TDRD5: variants seen among roughly 807,000 people sequenced by gnomAD.
TDRD5 encodes the protein tudor domain-containing protein 5.
Under a neutral mutation model 120.6 loss-of-function variants are expected in TDRD5, and 41 were observed. The ratio of observed to expected loss-of-function variants is 0.34; its 90% confidence interval spans 0.26 to 0.44. TDRD5 has a LOEUF of 0.44. TDRD5 is among the 20% of genes least tolerant of loss of function. The probability of loss-of-function intolerance (pLI) is 1.00; values close to 1 mark genes in which losing one functional copy is unlikely to be tolerated. For missense variants in TDRD5, 1,006 were observed against 1,221.2 expected, an observed-to-expected ratio of 0.82 and a Z score of 2.63; for synonymous variants, 430 against 433.7, an observed-to-expected ratio of 0.99 and a Z score of 0.11.
At chr1:179,632,063 C>T (rs567715994) in intron 7 of TDRD5, among the ~76,000 whole-genome samples, 12 of 151,858 alleles carry the variant, frequency 7.9e-5, no homozygotes, top group African/African-American at 2.7e-4. Flanking sequence ...CCTGCCACCA[C>T]GCCCAGCTAA....
chr1:179,597,332 C>CT (rs945509784), intron 4 of TDRD5, among the ~76,000 whole-genome samples: 35,435 of 125,640 alleles, frequency 0.28, 5,593 homozygotes, highest in Admixed American at 0.36. Context: ...TTCTTTTTTT[C>CT]TTTTTTTTTT....
chr1:179,645,847 T>C (rs1558402928), intron 11 of TDRD5, among the ~76,000 whole-genome samples: 1 of 151,528 alleles, frequency 6.6e-6, no homozygotes, highest in Non-Finnish European at 1.5e-5. Flanking sequence ...TTATTTCTAC[T>C]AATGCAAAAA....
chr1:179,597,416 C>T (rs1196855009), intron 4 of TDRD5, among the ~76,000 whole-genome samples: 1 of 146,272 alleles, frequency 6.8e-6, no homozygotes, highest in Non-Finnish European at 1.5e-5. Context: ...ACTGCAACTT[C>T]CGTCTCCCGG....
At chr1:179,624,859 G>T (rs776294786) in intron 6 of TDRD5, among the ~76,000 whole-genome samples, 1 of 152,008 alleles carries the variant, frequency 6.6e-6, no homozygotes, top group African/African-American at 2.4e-5. Flanking sequence ...ATTCTTGCGG[G>T]CTATTCGTAG....
chr1:179,623,302 A>G (rs1676936118), intron 6 of TDRD5, among the ~76,000 whole-genome samples: 1 of 152,224 alleles, frequency 6.6e-6, no homozygotes, highest in South Asian at 2.1e-4. Context: ...GATGTAGTAA[A>G]TATCTGGGCA....
chr1:179,640,457 T>A lies in TDRD5; in HGVS notation c.1800+12T>A. The A allele has an allele frequency of 1.2e-6, 2 of 1,613,726 alleles. No individual in the cohort carries two copies. The highest frequency in any genetic ancestry group is 1.7e-6 in the Non-Finnish European group (2 of 1,179,626). ...TGAGACCAGTAGAGGTATGTTTGCT[T>A]GTCTCCCATTTAATCAGCAAACACT... On this transcript the variant is annotated intron_variant, in intron 11 of 17. Transcript: ENST00000444136.
chr1:179,648,559 C>A, intron 11 of TDRD5, among the ~76,000 whole-genome samples: 1 of 144,262 alleles, frequency 6.9e-6, no homozygotes, highest in East Asian at 2.1e-4. Context: ...CTAACCTGCA[C>A]ATTGTGCACA....
intron 17 of TDRD5, among the ~76,000 whole-genome samples, chr1:179,689,870 C>T (rs939302197): frequency 2.6e-5 from 4 of 152,184 alleles, no homozygotes; most frequent in African/African-American, 9.6e-5. Flanking sequence ...GGATATAAAC[C>T]TCCTGGTGTG....
intron 4 of TDRD5, among the ~76,000 whole-genome samples, chr1:179,614,242 C>T (rs1676441558): frequency 6.6e-6 from 1 of 151,870 alleles, no homozygotes; most frequent in South Asian, 2.1e-4. Flanking sequence ...GCTTTTTTTC[C>T]TCTTATGCAT....
intron 11 of TDRD5, among the ~76,000 whole-genome samples, chr1:179,641,937 G>A (rs886186096): frequency 1.3e-5 from 2 of 151,908 alleles, no homozygotes; most frequent in Non-Finnish European, 2.9e-5. Flanking sequence ...TTTTCTTGGG[G>A]GCATTTTATT....
intron 4 of TDRD5, among the ~76,000 whole-genome samples, chr1:179,600,200 T>C (rs1457103828): frequency 6.6e-6 from 1 of 152,148 alleles, no homozygotes; most frequent in Non-Finnish European, 1.5e-5. Context: ...TCTACAGTAG[T>C]GTACAATAAT....
At chr1:179,630,597 A>T (rs577362585) in intron 6 of TDRD5, among the ~76,000 whole-genome samples, 170 bp from the exon 7 acceptor site, 1 of 152,140 alleles carries the variant, frequency 6.6e-6, no homozygotes, top group Non-Finnish European at 1.5e-5. Context: ...ATAGTAAGGG[A>T]TTATTGGTCA....
chr1:179,615,790 TA>T (rs1195727700), intron 4 of TDRD5, among the ~76,000 whole-genome samples: 1 of 150,786 alleles, frequency 6.6e-6, no homozygotes, highest in Non-Finnish European at 1.5e-5. Flanking sequence ...TTTTTTTTTT[TA>T]ACTTTTTTCA....
At chr1:179,667,659 T>A (rs1201530005) in intron 16 of TDRD5, among the ~76,000 whole-genome samples, 1 of 152,174 alleles carries the variant, frequency 6.6e-6, no homozygotes, top group African/African-American at 2.4e-5. Context: ...ACTTAAAAGG[T>A]AGTTCAAGTA....
At chr1:179,680,068 C>T (rs1680340278) in intron 17 of TDRD5, among the ~76,000 whole-genome samples, 1 of 151,934 alleles carries the variant, frequency 6.6e-6, no homozygotes, top group Non-Finnish European at 1.5e-5. Flanking sequence ...TCTTCTTGAC[C>T]TATTGGTTAT....
Position 179,630,925 on chromosome 1 carries a change from G to A in TDRD5, c.1126+5G>A. The A allele has an allele frequency of 6.2e-7, 1 of 1,611,154 alleles. No individual in the cohort carries two copies. The highest frequency in any genetic ancestry group is 2.2e-5 in the East Asian group (1 of 44,850). On this transcript the variant is annotated splice_donor_5th_base_variant and intron_variant, in intron 7 of 17. Coordinates refer to ENST00000444136, the MANE Select transcript of TDRD5 (RefSeq NM_001199085.3). ...ATAAGAAGCCTCTACCACCTGGTGA[G>A]TGGAACCACAGTATGATGCAAACCT... is the stretch of plus-strand genomic sequence containing the variant.
chr1:179,668,741 C>CTTTTTTTTT (rs35873475), intron 16 of TDRD5, among the ~76,000 whole-genome samples: 6 of 110,328 alleles, frequency 5.4e-5, no homozygotes, highest in African/African-American at 1.0e-4. Flanking sequence ...TATCTAGGTT[C>CTTTTTTTTT]TTTTTTTTTT....
chr1:179,674,492 C>G (rs890114231), intron 17 of TDRD5, among the ~76,000 whole-genome samples: 3 of 151,976 alleles, frequency 2.0e-5, no homozygotes, highest in Non-Finnish European at 4.4e-5. Flanking sequence ...GGATATTGGT[C>G]TGTAGTTTTT....
chr1:179,656,651 A>G lies in TDRD5; in HGVS notation c.2322+2289A>G, dbSNP rs186539464. 2.7e-3 allele frequency among the ~76,000 whole-genome samples: 418 copies of G among 152,332 alleles called. 3 individuals carry two copies. The highest frequency in any genetic ancestry group is 9.5e-3 in the African/African-American group (395 of 41,584). Reference sequence around the variant, plus strand: ...AAAAATCAATTGTCCATATTTCTGTAAGTCTATTTCTAGACTCTATATTCT... The same window carrying G: ...AAAAATCAATTGTCCATATTTCTGTGAGTCTATTTCTAGACTCTATATTCT... On this transcript the variant is annotated intron_variant, in intron 14 of 17. Coordinates refer to ENST00000444136, the MANE Select transcript of TDRD5 (RefSeq NM_001199085.3).
Sources: gnomAD v4.1 joint callset for allele counts (sites outside exome capture counted in the v4.1 genomes callset) on GRCh38, gnomAD v4.1.1 for gene constraint, MANE v1.5 for transcripts, NCBI Gene and HGNC (gene_info 2026-07-23, HGNC 2026-07-21) for gene names.